Variants in PRIM2 observed in about 807,000 individuals in gnomAD.
PRIM2 encodes the protein DNA primase subunit 2.
A neutral mutation model predicts 67.3 loss-of-function variants in PRIM2; 39 were observed. The observed-to-expected ratio is 0.58, with a 90% CI of 0.45 to 0.76. The LOEUF (loss-of-function observed/expected upper bound fraction) is 0.76. PRIM2 is among the 30% of genes least tolerant of loss of function. The pLI is 0.00. For synonymous variants in PRIM2, 143 were observed against 198.7 expected, an observed-to-expected ratio of 0.72 and a Z score of 2.36; for missense variants, 398 against 598.7, an observed-to-expected ratio of 0.66 and a Z score of 3.50.
At chr6:57,621,950 TTTTC>T (rs1776864489) in intron 12 of PRIM2, among the ~76,000 whole-genome samples, 1 of 152,120 alleles carries the variant, frequency 6.6e-6, no homozygotes, top group African/African-American at 2.4e-5. Flanking sequence ...ACAGTTTTTT[TTTTC>T]TTTCTTTCTT....
intron 7 of PRIM2, chr6:57,434,979 T>C (rs925183338): frequency 6.7e-6 from 1 of 150,348 alleles, no homozygotes; most frequent in African/African-American, 2.5e-5. Context: ...AGATATGGAG[T>C]CTTGCCATGT....
At chr6:57,633,678 C>CT (rs1276538088) in intron 13 of PRIM2, among the ~76,000 whole-genome samples, 1 of 152,222 alleles carries the variant, frequency 6.6e-6, no homozygotes, top group Admixed American at 6.5e-5. Flanking sequence ...TAAACAGGGG[C>CT]TGGTGGGAGG....
At chr6:57,399,490 G>A (rs1406583037) in intron 7 of PRIM2, among the ~76,000 whole-genome samples, 2 of 152,096 alleles carry the variant, frequency 1.3e-5, no homozygotes, top group Non-Finnish European at 2.9e-5. Context: ...GAATAGTGCC[G>A]CAGTAAACAC....
chr6:57,362,470 A>AT (rs921618706), intron 5 of PRIM2, among the ~76,000 whole-genome samples: 65 of 151,050 alleles, frequency 4.3e-4, no homozygotes, highest in Non-Finnish European at 6.2e-4. Context: ...GGAAAGCCAT[A>AT]TTTTTTTTTG....
At chr6:57,553,533 A>G (rs1775445918) in intron 10 of PRIM2, among the ~76,000 whole-genome samples, 1 of 152,156 alleles carries the variant, frequency 6.6e-6, no homozygotes, top group African/African-American at 2.4e-5. Flanking sequence ...TTTTCTAGGA[A>G]ATTTCCAATT....
At chr6:57,395,813 C>T (rs1770498620) in intron 7 of PRIM2, among the ~76,000 whole-genome samples, 1 of 152,050 alleles carries the variant, frequency 6.6e-6, no homozygotes, top group African/African-American at 2.4e-5. Context: ...TATGAACTTT[C>T]CTCTTAGCAC....
chr6:57,434,242 A>G (rs1771937400), intron 7 of PRIM2, among the ~76,000 whole-genome samples: 1 of 151,472 alleles, frequency 6.6e-6, no homozygotes, highest in Admixed American at 6.6e-5. Flanking sequence ...GTTTTTAAAT[A>G]TGTAAAATGT....
At chr6:57,577,364 C>T (rs1248707322) in intron 10 of PRIM2, among the ~76,000 whole-genome samples, 1,961 of 152,014 alleles carry the variant, frequency 0.013, 154 homozygotes, top group Admixed American at 0.12. Flanking sequence ...CCACCTTTGC[C>T]TAGTTATTAG....
chr6:57,500,151 A>G (rs1774101229), intron 7 of PRIM2, among the ~76,000 whole-genome samples: 1 of 151,952 alleles, frequency 6.6e-6, no homozygotes, highest in Non-Finnish European at 1.5e-5. Context: ...ATACCTTTAC[A>G]TATTTCTTAT....
intron 7 of PRIM2, among the ~76,000 whole-genome samples, chr6:57,500,793 T>C (rs1774115021): frequency 6.6e-6 from 1 of 152,192 alleles, no homozygotes; most frequent in Non-Finnish European, 1.5e-5. Flanking sequence ...GGTCAGTGAT[T>C]GGAAGCAGGG....
At chr6:57,301,758 G>A in the PRIM2 span, among the ~76,000 whole-genome samples, 2 of 152,180 alleles carry the variant, frequency 1.3e-5, no homozygotes, top group Non-Finnish European at 2.9e-5. Context: ...GGAGGTTGAG[G>A]TTGCAGTAAG....
At chr6:57,456,564 C>G (rs1248940969) in intron 7 of PRIM2, among the ~76,000 whole-genome samples, 1 of 152,146 alleles carries the variant, frequency 6.6e-6, no homozygotes, top group African/African-American at 2.4e-5. Context: ...ACCCTTTCTT[C>G]CAGTTGATCG....
intron 5 of PRIM2, among the ~76,000 whole-genome samples, chr6:57,358,474 TG>T (rs1769101891): frequency 1.3e-5 from 2 of 152,330 alleles, no homozygotes. Context: ...TGGTGTATGC[TG>T]GGTGTCAGAA....
intron 7 of PRIM2, among the ~76,000 whole-genome samples, chr6:57,441,619 T>C (rs1415940522): frequency 6.6e-6 from 1 of 152,166 alleles, no homozygotes; most frequent in Non-Finnish European, 1.5e-5. Flanking sequence ...GTCGGGAAAT[T>C]AATGAGGAAA....
At chr6:57,383,051 A>G (rs1199731902) in intron 7 of PRIM2, 4 of 152,168 alleles carry the variant, frequency 2.6e-5, no homozygotes, top group South Asian at 2.1e-4. Flanking sequence ...AACACCTAGC[A>G]TAACAGGTAT....
chr6:57,239,794 G>A, the PRIM2 span, among the ~76,000 whole-genome samples: 1 of 152,096 alleles, frequency 6.6e-6, no homozygotes, highest in Non-Finnish European at 1.5e-5. Flanking sequence ...CCTCCCTTAA[G>A]TGCCTTCCCC....
chr6:57,527,019 T>C (rs1408732381), intron 8 of PRIM2, among the ~76,000 whole-genome samples: 1 of 152,256 alleles, frequency 6.6e-6, no homozygotes, highest in African/African-American at 2.4e-5. Flanking sequence ...CCTGGCTACC[T>C]GTTAGGATTC....
At chr6:57,477,476 A>C (rs1446934658) in intron 7 of PRIM2, among the ~76,000 whole-genome samples, 1 of 152,252 alleles carries the variant, frequency 6.6e-6, no homozygotes, top group East Asian at 1.9e-4. Flanking sequence ...AAATCCATAG[A>C]AGATAGCCTT....
the PRIM2 span, among the ~76,000 whole-genome samples, chr6:57,226,850 A>G: frequency 1.3e-5 from 2 of 152,214 alleles, no homozygotes; most frequent in East Asian, 3.9e-4. Flanking sequence ...GACGGAATGT[A>G]AAGAGTGACT....
Sources: gnomAD v4.1 joint callset for allele counts (sites outside exome capture counted in the v4.1 genomes callset) on GRCh38, gnomAD v4.1.1 for gene constraint, MANE v1.5 for transcripts, NCBI Gene and HGNC (gene_info 2026-07-23, HGNC 2026-07-21) for gene names.